The following PLET1 variants were observed in gnomAD, a reference collection of about 807,000 sequenced individuals.
PLET1 encodes the protein placenta-expressed transcript 1 protein.
In PLET1, 20 loss-of-function variants were observed where a neutral mutation model predicts 18.5. That is an observed-to-expected ratio of 1.08 (90% confidence interval 0.76 to 1.57). The LOEUF is 1.57. Ranked by LOEUF, PLET1 falls within the 40% of genes most tolerant of loss-of-function variation. The pLI is 0.00. For synonymous variants in PLET1, 93 were observed against 93.8 expected (o/e 0.99, Z 0.05); for missense variants, 256 against 246.4 (o/e 1.04, Z -0.26).
At chr11:112,251,596 GA>G (rs1486784288) in intron 3 of PLET1, among the ~76,000 whole-genome samples, 2 of 152,138 alleles carry the variant, frequency 1.3e-5, no homozygotes, top group Admixed American at 1.3e-4. Context: ...AAATTAAATA[GA>G]GACAAAGTCT....
chr11:112,260,620 T>G lies in PLET1; in HGVS notation c.-31A>C, dbSNP rs1860278868. ...CAGTCTGTTTGGAAAGTGCTAGGCC[T>G]GGAATTGGGTGAAACTGACAACTCA... On this transcript the variant is annotated 5_prime_UTR_variant, in exon 1 of 4. Transcript: ENST00000338832. The G allele has an allele frequency of 6.5e-7, 1 of 1,529,074 alleles. No homozygotes were observed. Among genetic ancestry groups the G allele is most frequent in the South Asian group, 1.2e-5 (1 of 81,396 alleles). The allele number at this position is 1,529,074 out of a possible 1,614,324, so 94.7% of individuals were successfully genotyped here. A position where few individuals can be genotyped will look rare whatever the true frequency, so the allele number is the denominator to read the frequency against.
intron 3 of PLET1, among the ~76,000 whole-genome samples, chr11:112,250,093 C>T (rs190967911): frequency 4.0e-5 from 6 of 148,782 alleles, no homozygotes; most frequent in Admixed American, 1.3e-4. Context: ...TTTAGCACTT[C>T]CCCAGGCCAA....
intron 3 of PLET1, among the ~76,000 whole-genome samples, chr11:112,250,885 C>A (rs1347487575): frequency 6.6e-6 from 1 of 152,288 alleles, no homozygotes; most frequent in East Asian, 1.9e-4. Flanking sequence ...AGAGGGAAAT[C>A]CACCAAGGAA....
intron 3 of PLET1, among the ~76,000 whole-genome samples, chr11:112,250,692 G>C (rs779031152): frequency 3.9e-5 from 6 of 152,142 alleles, no homozygotes; most frequent in Non-Finnish European, 7.4e-5. Context: ...CTGTAATAGA[G>C]TAGCTTTCAG....
In PLET1 at chr11:112,260,332, AG is replaced by A. The variant is rs1172553325; in HGVS notation, c.184+73del. 4 of 1,334,614 alleles carry A rather than the reference AG, an allele frequency of 3.0e-6. No homozygotes were observed. The African/African-American group carries it at 4.4e-5, about 15-fold the overall frequency. The allele number at this position is 1,334,614 out of a possible 1,614,324, so 82.7% of individuals were successfully genotyped here. A position where few individuals can be genotyped will look rare whatever the true frequency, so the allele number is the denominator to read the frequency against. On this transcript the variant is annotated intron_variant, in intron 1 of 3. Coordinates refer to ENST00000338832, the MANE Select transcript of PLET1 (RefSeq NM_001145024.1). The stretch of plus-strand genomic sequence containing the variant: ...TTTGTATAATTGAGAGTAGCGATAG[AG>A]GGGTGTGTTCTGAAATTCTGGTTAA...
chr11:112,260,028 A>G (rs1176479791), intron 1 of PLET1, among the ~76,000 whole-genome samples: 1 of 152,114 alleles, frequency 6.6e-6, no homozygotes, highest in Non-Finnish European at 1.5e-5. Context: ...ACAAAGTGAG[A>G]CTCTGTCTCC....
chr11:112,258,753 C>T (rs1860253946), intron 1 of PLET1, among the ~76,000 whole-genome samples: 1 of 152,192 alleles, frequency 6.6e-6, no homozygotes, highest in South Asian at 2.1e-4. Flanking sequence ...CAAGATTATC[C>T]TCCCTGCCCT....
In PLET1 at chr11:112,260,579, A is replaced by C. The variant is rs1860278391; in HGVS notation, c.11T>G (p.Phe4Cys). The C allele has an allele frequency of 6.4e-7, 1 of 1,551,122 alleles. No individual in the cohort carries two copies. The highest frequency in any genetic ancestry group is 8.7e-7 in the Non-Finnish European group (1 of 1,146,794). Residue 4 changes from phenylalanine to cysteine, a missense_variant, in exon 1 of 4, where the codon TTC becomes TGC. By Grantham distance (205) the Phe-to-Cys change is radical (BLOSUM62 -2). Transcript: ENST00000338832. ...CAGTGGCTGCAGCAGCATGTCATGG[A>C]AGACTGCCATGGTCTCAGTCTGTTT... is the stretch of plus-strand genomic sequence containing the variant. MAV[F>C]HDMLLQPLGM...
intron 3 of PLET1, among the ~76,000 whole-genome samples, chr11:112,249,592 T>C (rs1468916972): frequency 6.6e-6 from 1 of 152,148 alleles, no homozygotes; most frequent in Non-Finnish European, 1.5e-5. Flanking sequence ...CCCATAGTCC[T>C]GAGGGGTTGT....
intron 1 of PLET1, 148 bp downstream of exon 1, chr11:112,260,254 CTCAT>C (rs1860272985): frequency 2.4e-6 from 2 of 834,870 alleles, no homozygotes; most frequent in East Asian, 5.5e-5. Flanking sequence ...TCCCTTAATT[CTCAT>C]TCTTTGTCTT....
chr11:112,252,300 T>C, intron 3 of PLET1, 48 bp downstream of exon 3: 1 of 1,496,174 alleles, frequency 6.7e-7, no homozygotes, highest in Non-Finnish European at 9.1e-7. Context: ...TTTTCCAGGC[T>C]GACTGAGTTC....
At chr11:112,257,535 A>G (rs552866425) in intron 1 of PLET1, among the ~76,000 whole-genome samples, 3 of 152,160 alleles carry the variant, frequency 2.0e-5, no homozygotes, top group Admixed American at 1.3e-4. Context: ...CATGCATCCA[A>G]TGTTGTATAG....
In PLET1 at chr11:112,252,347, C is replaced by G. The variant is rs768094916; in HGVS notation, c.448+1G>C. On this transcript the variant is annotated splice_donor_variant, in intron 3 of 3. Transcript: ENST00000338832. LOFTEE classifies it high-confidence loss of function. ...TGCAAATGGGCTGCAAAGGAACTCA[C>G]GTTTTTCTCTTAGCTTCAGAGTAGA... 4 of 1,550,434 alleles carry G rather than the reference C, an allele frequency of 2.6e-6. No individual in the cohort carries two copies. The highest frequency in any genetic ancestry group is 2.0e-5 in the Admixed American group (1 of 50,982).
intron 1 of PLET1, among the ~76,000 whole-genome samples, chr11:112,255,798 G>C (rs568245903): frequency 6.6e-6 from 1 of 152,292 alleles, no homozygotes; most frequent in South Asian, 2.1e-4. Context: ...CTTGGTAGTG[G>C]GATTACAGAT....
intron 1 of PLET1, among the ~76,000 whole-genome samples, chr11:112,257,513 G>T (rs1860235825): frequency 6.6e-6 from 1 of 151,978 alleles, no homozygotes; most frequent in Non-Finnish European, 1.5e-5. Flanking sequence ...CTCATTGGTT[G>T]ATTTTAAAAG....
At chr11:112,255,873 A>C (rs1341591178) in intron 1 of PLET1, among the ~76,000 whole-genome samples, 1 of 152,192 alleles carries the variant, frequency 6.6e-6, no homozygotes, top group Non-Finnish European at 1.5e-5. Flanking sequence ...AAAGGCAGAC[A>C]AAAGAAGACC....
In PLET1 at chr11:112,249,019, C is replaced by T. The variant is rs550028380; in HGVS notation, c.449-45G>A. 6.1e-5 allele frequency: 93 copies of T among 1,526,628 alleles called. No individual in the cohort carries two copies. In the South Asian group the frequency reaches 8.1e-4, roughly 13 times the overall value. The allele number at this position is 1,526,628 out of a possible 1,614,324, so 94.6% of individuals were successfully genotyped here. On this transcript the variant is annotated intron_variant, in intron 3 of 3. Coordinates refer to ENST00000338832, the MANE Select transcript of PLET1 (RefSeq NM_001145024.1). ...TGCGGTTGGCACTGGAAAATGGCAT[C>T]GGAACCTCCGTTGGGTGGTGGGTGG...
At chr11:112,249,038 TGGG>T in intron 3 of PLET1, 64 bp from the exon 4 acceptor site, 2 of 1,445,630 alleles carry the variant, frequency 1.4e-6, no homozygotes, top group Non-Finnish European at 1.9e-6. Context: ...CGTTGGGTGG[TGGG>T]TGGGCACTCG....
Position 112,248,530 on chromosome 11 carries a change from G to A in PLET1, c.*269C>T, listed in dbSNP as rs1010805589. The A allele has an allele frequency of 3.4e-5, 15 of 445,882 alleles. No individual in the cohort carries two copies. Among genetic ancestry groups the A allele is most frequent in the Non-Finnish European group, 5.1e-5 (13 of 254,350 alleles). 27.6% of individuals were successfully genotyped at this position (445,882 alleles called of 1,614,324 possible). ...GCTGCCAACCTGTTCAACCAATAGG[G>A]AGAACCTAGGTGACTAAGTTCCGGC... is the stretch of plus-strand genomic sequence containing the variant. On this transcript the variant is annotated 3_prime_UTR_variant, in exon 4 of 4. Coordinates refer to ENST00000338832, the MANE Select transcript of PLET1 (RefSeq NM_001145024.1).
Sources: gnomAD v4.1 joint callset for allele counts (sites outside exome capture counted in the v4.1 genomes callset) on GRCh38, gnomAD v4.1.1 for gene constraint, MANE v1.5 for transcripts, NCBI Gene and HGNC (gene_info 2026-07-23, HGNC 2026-07-21) for gene names.